RABGAP1: variants seen among roughly 807,000 people sequenced by gnomAD.
RABGAP1 encodes the protein RAB GTPase activating protein 1.
A neutral mutation model predicts 137.6 loss-of-function variants in RABGAP1; 23 were observed. The observed-to-expected ratio is 0.17, with a 90% CI of 0.12 to 0.24. The LOEUF is 0.24. Ranked by LOEUF, RABGAP1 falls within the 10% of genes least tolerant of loss-of-function variation. The pLI, the probability that RABGAP1 is intolerant of heterozygous loss-of-function variation, is 1.00. For missense variants in RABGAP1, 906 were observed against 1,275.8 expected, an observed-to-expected ratio of 0.71 and a Z score of 4.42; for synonymous variants, 451 against 450.7, an observed-to-expected ratio of 1.00 and a Z score of -0.01.
In RABGAP1 at chr9:123,015,556, T is replaced by C. The variant is rs1290900788; in HGVS notation, c.1563T>C (p.Pro521=). The C allele has an allele frequency of 6.2e-7, 1 of 1,608,586 alleles. No homozygotes were observed. Among genetic ancestry groups the C allele is most frequent in the African/African-American group, 1.3e-5 (1 of 74,738 alleles). Residue 521 remains proline (P), a synonymous_variant, in exon 12 of 26, where the codon CCT becomes CCC. Transcript: ENST00000373647. ...TGTTTATTATAGATAATGATGAACCTCTCCTGAGTGGATCTGGTGATGTAT... is the reference window on the plus strand; with the variant it reads ...TGTTTATTATAGATAATGATGAACCCCTCCTGAGTGGATCTGGTGATGTAT... The part of the protein sequence containing the change: ...EDDEEEDNDE[P]LLSGSGDVSK...
chr9:122,987,847 C>G (rs1433238833), intron 4 of RABGAP1, among the ~76,000 whole-genome samples: 2 of 152,070 alleles, frequency 1.3e-5, no homozygotes, highest in African/African-American at 2.4e-5. Context: ...TTTATTGCTT[C>G]TAATAACATT....
chr9:122,983,854 A>G (rs933039573), intron 2 of RABGAP1, among the ~76,000 whole-genome samples: 1 of 152,190 alleles, frequency 6.6e-6, no homozygotes, highest in Non-Finnish European at 1.5e-5. Context: ...GTAATAACCC[A>G]TCATGACTCC....
chr9:123,019,686 T>TTTTGTTTG (rs34983095), intron 12 of RABGAP1, among the ~76,000 whole-genome samples: 34 of 150,122 alleles, frequency 2.3e-4, no homozygotes, highest in South Asian at 6.3e-4. Flanking sequence ...TTTGCTCTTT[T>TTTTGTTTG]TTTGTTTGTT....
intron 13 of RABGAP1, among the ~76,000 whole-genome samples, chr9:123,060,760 A>G (rs927629515): frequency 1.3e-5 from 2 of 152,222 alleles, no homozygotes; most frequent in African/African-American, 4.8e-5. Context: ...ACTATATACC[A>G]CTACAATTAC....
intron 2 of RABGAP1, among the ~76,000 whole-genome samples, chr9:122,972,752 G>A (rs541427323): frequency 9.9e-5 from 15 of 152,254 alleles, no homozygotes; most frequent in African/African-American, 3.4e-4. Context: ...TTCAGCTTGA[G>A]GGAAGGGTCA....
chr9:123,071,349 TCAGA>T (rs1463646732), intron 15 of RABGAP1: 4 of 152,248 alleles, frequency 2.6e-5, no homozygotes, highest in Non-Finnish European at 5.9e-5. Flanking sequence ...TTTGAAAAAT[TCAGA>T]CAAATTGTCA....
chr9:123,010,421 C>T lies in RABGAP1; in HGVS notation c.1442C>T (p.Ser481Leu). 6.2e-7 allele frequency: 1 copy of T among 1,613,376 alleles called. No individual in the cohort carries two copies. The highest frequency in any genetic ancestry group is 8.5e-7 in the Non-Finnish European group (1 of 1,179,726). The change falls in exon 11 of 26, where the codon TCA becomes TTA. Residue 481 changes from serine (S) to leucine (L), a missense_variant. Ser to Leu is a moderately radical substitution (Grantham distance 145). Transcript: ENST00000373647. Reference sequence around the variant, plus strand: ...GAAGTTGTATGCTTGGAAAGTGAATCAGAAAGAGAGAGGAGGAAAACTACA... The same window carrying T: ...GAAGTTGTATGCTTGGAAAGTGAATTAGAAAGAGAGAGGAGGAAAACTACA... Reference protein sequence around the residue: ...LYEVVCLESESERERRKTTAS... With the variant: ...LYEVVCLESELERERRKTTAS...
chr9:122,990,868 A>C (rs1386661982), intron 6 of RABGAP1: 1 of 126,846 alleles, frequency 7.9e-6, no homozygotes, highest in Non-Finnish European at 1.6e-5. Flanking sequence ...ATTTGTAGCT[A>C]TATTTGTTTT....
intron 6 of RABGAP1, among the ~76,000 whole-genome samples, chr9:122,993,268 ATT>A (rs1299238997): frequency 3.3e-5 from 5 of 151,910 alleles, no homozygotes; most frequent in African/African-American, 1.2e-4. Context: ...TAATTTTTAA[ATT>A]ATTATTATTA....
In RABGAP1 at chr9:123,090,300, C is replaced by G; in HGVS notation, c.2543C>G (p.Ala848Gly). The change falls in exon 21 of 26, where the codon GCT (alanine) becomes GGT (glycine). Residue 848 changes from alanine (A) to glycine (G), a missense_variant. Ala to Gly is a moderately conservative substitution (Grantham distance 60, BLOSUM62 0). Transcript: ENST00000373647. ...FERENRRLQE[A>G]NMRLEQENDD... ...CGGGAGAATAGGCGTCTACAAGAAG[C>G]TAACATGAGGTTGGAACAGGAAAAC... 1 of 1,613,048 alleles carries G rather than the reference C, an allele frequency of 6.2e-7. No homozygotes were observed. Among genetic ancestry groups the G allele is most frequent in the Non-Finnish European group, 8.5e-7 (1 of 1,179,666 alleles).
In RABGAP1 at chr9:123,010,381, A is replaced by C. The variant is rs746836867; in HGVS notation, c.1402A>C (p.Thr468Pro). The change falls in exon 11 of 26, where the codon ACT becomes CCT. Residue 468 changes from threonine (T) to proline (P), a missense_variant. By Grantham distance (38) the Thr-to-Pro change is conservative. Transcript: ENST00000373647. ...QIKQRERKNN[T>P]DTLYEVVCLE... ...AAAGCAAAGGGAGAGAAAGAATAATACTGACACTTTATATGAAGTTGTATG... is the reference window on the plus strand; with the variant it reads ...AAAGCAAAGGGAGAGAAAGAATAATCCTGACACTTTATATGAAGTTGTATG... 1.6e-5 allele frequency: 26 copies of C among 1,613,246 alleles called. No individual in the cohort carries two copies. Among genetic ancestry groups the C allele is most frequent in the Non-Finnish European group, 2.1e-5 (25 of 1,179,252 alleles).
At position 123,070,911 on chromosome 9, in the gene RABGAP1, T is replaced by A. The variant is rs1344259184; in HGVS notation, c.1983+487T>A. Among the ~76,000 whole-genome samples the A allele has an allele frequency of 1.3e-5, 2 of 152,244 alleles. No individual in the cohort carries two copies. The highest frequency in any genetic ancestry group is 2.9e-5 in the Non-Finnish European group (2 of 68,044). On this transcript the variant is annotated intron_variant, in intron 15 of 25. Coordinates refer to ENST00000373647, the MANE Select transcript of RABGAP1 (RefSeq NM_012197.4). This position sits in a 1 kb window ranked among gnomAD's most constrained non-coding sequence, Gnocchi z 4.4. ...ACAGTGTTAAGGTGAACAGTCTTTA[T>A]CTAGTTTACCAATTAATATTTTCCA...
chr9:123,089,993 A>G, intron 20 of RABGAP1, 143 bp downstream of exon 20: 1 of 803,834 alleles, frequency 1.2e-6, no homozygotes, highest in Admixed American at 2.8e-5. Flanking sequence ...AGCAAGCAAG[A>G]TCTGTTTTTG....
At chr9:122,996,500 A>G in intron 7 of RABGAP1, 39 bp from the exon 8 acceptor site, 1 of 1,547,446 alleles carries the variant, frequency 6.5e-7, no homozygotes, top group African/African-American at 1.4e-5. Flanking sequence ...CTTTTGTGTT[A>G]TCTTTTTTCT....
intron 13 of RABGAP1, among the ~76,000 whole-genome samples, chr9:123,023,782 TAC>T (rs1564140842): frequency 6.6e-6 from 1 of 152,188 alleles, no homozygotes; most frequent in Non-Finnish European, 1.5e-5. Context: ...TATATATATA[TAC>T]ACACCACTAA....
In RABGAP1 at chr9:123,101,526, T is replaced by A. The variant is rs771230980; in HGVS notation, c.2890-40T>A. ...GCTCACACCATCCTAAAGGGCCAGT[T>A]CCTCTTCTTTGCCTCTTCACATCTA... On this transcript the variant is annotated intron_variant, in intron 24 of 25. Coordinates refer to ENST00000373647, the MANE Select transcript of RABGAP1 (RefSeq NM_012197.4). 2.5e-6 allele frequency: 4 copies of A among 1,580,900 alleles called. No individual in the cohort carries two copies. In the African/African-American group the frequency reaches 4.1e-5, roughly 16 times the overall value.
intron 17 of RABGAP1, 27 bp downstream of exon 17, chr9:123,074,455 G>A (rs373860919): frequency 6.3e-7 from 1 of 1,596,016 alleles, no homozygotes; most frequent in Non-Finnish European, 8.6e-7. Flanking sequence ...ACAGCACTTT[G>A]GCTTTTGTTT....
chr9:123,031,775 A>G (rs1010865012), intron 13 of RABGAP1, among the ~76,000 whole-genome samples: 3 of 152,198 alleles, frequency 2.0e-5, no homozygotes, highest in Admixed American at 6.5e-5. Context: ...GATTTTAGAC[A>G]TGCTGTGGTT....
intron 4 of RABGAP1, among the ~76,000 whole-genome samples, chr9:122,988,571 TGTTTC>T (rs1836489933): frequency 6.6e-6 from 1 of 151,624 alleles, no homozygotes; most frequent in African/African-American, 2.4e-5. Context: ...AAAAAAAACT[TGTTTC>T]AGTCTGAGAA....
Sources: allele counts gnomAD v4.1 joint callset (sites outside exome capture counted in the v4.1 genomes callset), GRCh38; gene constraint gnomAD v4.1.1; non-coding constraint Gnocchi (gnomAD v3.1); transcripts MANE v1.5; gene names NCBI Gene and HGNC (gene_info 2026-07-23, HGNC 2026-07-21).